The following CLEC16A variants were observed in gnomAD, a reference collection of about 807,000 sequenced individuals.
The protein encoded by CLEC16A is protein CLEC16A.
Under a neutral mutation model 109.5 loss-of-function variants are expected in CLEC16A, and 51 were observed. The ratio of observed to expected loss-of-function variants is 0.47; its 90% CI spans 0.37 to 0.59. The LOEUF is 0.59. Ranked by LOEUF, CLEC16A falls within the 20% of genes least tolerant of loss-of-function variation. The pLI, the probability that CLEC16A is intolerant of heterozygous loss-of-function variation, is 0.00. For synonymous variants in CLEC16A, 673 were observed against 564.2 expected (o/e 1.19, Z -2.73); for missense variants, 1,339 against 1,394.0 (o/e 0.96, Z 0.63).
intron 1 of CLEC16A, among the ~76,000 whole-genome samples, chr16:10,949,922 T>C (rs931219278): frequency 6.6e-6 from 1 of 152,192 alleles, no homozygotes; most frequent in Non-Finnish European, 1.5e-5. Flanking sequence ...GCTCTTTTCC[T>C]CCTGCCCATC....
chr16:11,067,415 A>T (rs1381883021), intron 19 of CLEC16A, among the ~76,000 whole-genome samples: 1 of 151,592 alleles, frequency 6.6e-6, no homozygotes, highest in Non-Finnish European at 1.5e-5. Context: ...TGAGGGCTGC[A>T]GGGGGGGTGT....
intron 1 of CLEC16A, among the ~76,000 whole-genome samples, chr16:10,948,124 A>G (rs1213024507): frequency 6.6e-6 from 1 of 152,134 alleles, no homozygotes; most frequent in Non-Finnish European, 1.5e-5. Flanking sequence ...CGATCTCCTG[A>G]CCTTGTGATC....
At chr16:11,023,881 A>G (rs1359760573) in intron 12 of CLEC16A, among the ~76,000 whole-genome samples, 1 of 152,212 alleles carries the variant, frequency 6.6e-6, no homozygotes, top group Non-Finnish European at 1.5e-5. Flanking sequence ...GGAGGATCAG[A>G]GCCTCTGGCC....
chr16:11,016,419 G>A (rs1229686605), intron 11 of CLEC16A, among the ~76,000 whole-genome samples: 1 of 150,942 alleles, frequency 6.6e-6, no homozygotes, highest in Non-Finnish European at 1.5e-5. Context: ...CCCAATCTTG[G>A]CTCACTGCAA....
chr16:11,165,460 C>A (rs972265440), intron 22 of CLEC16A, among the ~76,000 whole-genome samples: 9 of 152,150 alleles, frequency 5.9e-5, no homozygotes, highest in Non-Finnish European at 1.2e-4. Flanking sequence ...CCGCTGCACT[C>A]CAGGCTGGGC....
chr16:11,081,536 C>A (rs2049718769), intron 19 of CLEC16A, among the ~76,000 whole-genome samples: 1 of 152,094 alleles, frequency 6.6e-6, no homozygotes, highest in African/African-American at 2.4e-5. Context: ...CTAAAAGGCT[C>A]AAAAATCCTC....
At chr16:10,974,121 A>G (rs1474798212) in intron 7 of CLEC16A, among the ~76,000 whole-genome samples, 1 of 145,728 alleles carries the variant, frequency 6.9e-6, no homozygotes, top group African/African-American at 2.6e-5. Flanking sequence ...CTAGTCTTGA[A>G]CTCCTGACCT....
intron 20 of CLEC16A, among the ~76,000 whole-genome samples, chr16:11,123,508 A>G (rs555807610): frequency 1.3e-5 from 2 of 152,330 alleles, no homozygotes; most frequent in African/African-American, 4.8e-5. Context: ...CACCACCACC[A>G]GCATCCGCTC....
chr16:10,993,198 T>C (rs2044134237), intron 10 of CLEC16A, among the ~76,000 whole-genome samples: 1 of 152,014 alleles, frequency 6.6e-6, no homozygotes, highest in African/African-American at 2.4e-5. Context: ...GACAACATGG[T>C]AAGACCCTGT....
At chr16:11,142,967 C>T (rs183259059) in intron 22 of CLEC16A, among the ~76,000 whole-genome samples, 3 of 152,292 alleles carry the variant, frequency 2.0e-5, no homozygotes, top group East Asian at 1.9e-4. Flanking sequence ...CCTGCCACCA[C>T]GCCTAGCTAA....
chr16:11,170,898 C>T (rs1203249102), intron 23 of CLEC16A, among the ~76,000 whole-genome samples: 2 of 152,148 alleles, frequency 1.3e-5, no homozygotes, highest in African/African-American at 4.8e-5. Flanking sequence ...CAGAACAGTG[C>T]GGGAGGCTCC....
chr16:11,120,832 A>ACAC, intron 20 of CLEC16A, 66 bp downstream of exon 20: 1 of 1,209,478 alleles, frequency 8.3e-7, no homozygotes, highest in Non-Finnish European at 1.1e-6. Context: ...ACACACACAC[A>ACAC]CACACACCAC....
chr16:11,107,210 G>A (rs2051277231), intron 19 of CLEC16A, among the ~76,000 whole-genome samples: 1 of 151,388 alleles, frequency 6.6e-6, no homozygotes, highest in Non-Finnish European at 1.5e-5. Context: ...CCTCATTGCT[G>A]GTTTCCTTTA....
At chr16:11,048,983 A>G (rs1200192266) in intron 17 of CLEC16A, among the ~76,000 whole-genome samples, 1 of 150,678 alleles carries the variant, frequency 6.6e-6, no homozygotes, top group Admixed American at 6.6e-5. Context: ...CCTTGAGTGC[A>G]TTGCTGAAAT....
At chr16:11,007,814 A>ATGTG (rs950512987) in intron 11 of CLEC16A, among the ~76,000 whole-genome samples, 1 of 151,894 alleles carries the variant, frequency 6.6e-6, no homozygotes, top group Non-Finnish European at 1.5e-5. Context: ...GTTTGTATGT[A>ATGTG]TGTGTGTGTG....
At chr16:11,171,308 C>T (rs1231132455) in intron 23 of CLEC16A, among the ~76,000 whole-genome samples, 1 of 152,236 alleles carries the variant, frequency 6.6e-6, no homozygotes, top group Admixed American at 6.5e-5. Context: ...GCCTCCTTCG[C>T]ACGCCAGAGG....
Position 11,155,992 on chromosome 16 carries a change from C to G in CLEC16A, c.2642-10396C>G, listed in dbSNP as rs552589950. 5.9e-5 allele frequency among the ~76,000 whole-genome samples: 9 copies of G among 152,270 alleles called. No individual in the cohort carries two copies. The East Asian group carries it at 1.7e-3, about 29-fold the overall frequency. On this transcript the variant is annotated intron_variant, in intron 22 of 23. Transcript: ENST00000409790. ...GCCAAACATGTCAGTGTAGGATACA[C>G]ACTGTACGGCCTCCCTGCTTCTGGC... is the stretch of plus-strand genomic sequence containing the variant.
chr16:11,168,477 C>T (rs868687318), intron 23 of CLEC16A, among the ~76,000 whole-genome samples: 1 of 152,156 alleles, frequency 6.6e-6, no homozygotes, highest in Non-Finnish European at 1.5e-5. Context: ...TGCAGCATGA[C>T]AGTAAAAGCC....
At chr16:11,096,188 A>AAC (rs386384226) in intron 19 of CLEC16A, among the ~76,000 whole-genome samples, 282 of 151,242 alleles carry the variant, frequency 1.9e-3, no homozygotes, top group African/African-American at 6.5e-3. Flanking sequence ...AAAAAAAAAA[A>AAC]ATTTTATGTA....
Sources: gnomAD v4.1 joint callset for allele counts (sites outside exome capture counted in the v4.1 genomes callset) on GRCh38, gnomAD v4.1.1 for gene constraint, MANE v1.5 for transcripts, NCBI Gene and HGNC (gene_info 2026-07-23, HGNC 2026-07-21) for gene names.